The following PRKD1 variants were observed in gnomAD, a reference collection of about 807,000 sequenced individuals.
The protein encoded by PRKD1 is serine/threonine-protein kinase D1.
In PRKD1, 63 loss-of-function variants were observed where a neutral mutation model predicts 95.9. That is an observed-to-expected ratio of 0.66 (90% CI 0.54 to 0.81). The LOEUF (loss-of-function observed/expected upper bound fraction) is 0.81. Among genes scored for constraint, PRKD1 ranks in the 30% least tolerant of loss-of-function variants. The probability of loss-of-function intolerance (pLI) is 0.00; values close to 1 mark genes in which losing one functional copy is unlikely to be tolerated. For synonymous variants in PRKD1, 425 were observed against 423.1 expected (o/e 1.00, Z -0.05); for missense variants, 1,048 against 1,165.3 (o/e 0.90, Z 1.47).
chr14:29,885,558 A>T (rs945470150), intron 1 of PRKD1, among the ~76,000 whole-genome samples: 18 of 151,454 alleles, frequency 1.2e-4, no homozygotes, highest in African/African-American at 2.2e-4. Flanking sequence ...CAGCTTATTT[A>T]AAAAAAAACT....
chr14:29,587,325 C>T (rs1407318706), intron 16 of PRKD1, among the ~76,000 whole-genome samples: 7 of 152,168 alleles, frequency 4.6e-5, no homozygotes, highest in African/African-American at 1.7e-4. Context: ...AGATTTTTAA[C>T]ATCCTGTATT....
intron 1 of PRKD1, among the ~76,000 whole-genome samples, chr14:29,803,832 T>G (rs1288946490): frequency 6.6e-6 from 1 of 152,228 alleles, no homozygotes; most frequent in Non-Finnish European, 1.5e-5. Context: ...GCAACTGGGT[T>G]CATTTAAAGC....
intron 13 of PRKD1, among the ~76,000 whole-genome samples, chr14:29,616,705 C>T (rs1878892671): frequency 6.6e-6 from 1 of 152,148 alleles, no homozygotes; most frequent in African/African-American, 2.4e-5. Context: ...GTTGGCAGGG[C>T]TGTGTGGCTT....
chr14:29,818,096 T>C (rs1377285925), intron 1 of PRKD1, among the ~76,000 whole-genome samples: 2 of 152,226 alleles, frequency 1.3e-5, no homozygotes, highest in Admixed American at 6.5e-5. Context: ...CTGTGTTTGG[T>C]GGCTGTACTG....
At chr14:29,795,689 T>C (rs1439667122) in intron 1 of PRKD1, among the ~76,000 whole-genome samples, 1 of 152,110 alleles carries the variant, frequency 6.6e-6, no homozygotes, top group African/African-American at 2.4e-5. Flanking sequence ...CAATGTGCAA[T>C]ATTCCCCAAT....
intron 1 of PRKD1, among the ~76,000 whole-genome samples, chr14:29,762,633 C>T (rs887264704): frequency 6.6e-6 from 1 of 152,340 alleles, no homozygotes; most frequent in South Asian, 2.1e-4. Context: ...ATTTACGTGA[C>T]AATATTTGAA....
intron 14 of PRKD1, 143 bp from the exon 15 acceptor site, chr14:29,599,268 T>C (rs1594350567): frequency 1.4e-5 from 10 of 701,048 alleles, no homozygotes; most frequent in East Asian, 1.1e-4. Flanking sequence ...TAGATTAACA[T>C]AGGTTTCTAA....
intron 1 of PRKD1, among the ~76,000 whole-genome samples, chr14:29,853,948 A>T (rs1892404579): frequency 6.6e-6 from 1 of 152,162 alleles, no homozygotes; most frequent in Admixed American, 6.5e-5. Flanking sequence ...GCTTTCCACA[A>T]TGATTGTGAT....
rs189272274 is a variant in PRKD1, at chr14:29,771,165, G to C, written c.265-45491C>G. Among the ~76,000 whole-genome samples, 5 of 152,224 alleles carry C rather than the reference G, an allele frequency of 3.3e-5. No individual in the cohort carries two copies. In the East Asian group the frequency reaches 9.7e-4, roughly 30 times the overall value. On this transcript the variant is annotated intron_variant, in intron 1 of 17. Coordinates refer to ENST00000331968, the MANE Select transcript of PRKD1 (RefSeq NM_002742.3). ...AGAATGAAAAAGCGAGTTCAGGAGA[G>C]AATACCAAGGGTGTGGCTAAGCAAC...
At chr14:29,619,808 T>C (rs1256802175) in intron 13 of PRKD1, among the ~76,000 whole-genome samples, 1 of 152,196 alleles carries the variant, frequency 6.6e-6, no homozygotes, top group Non-Finnish European at 1.5e-5. Context: ...GAGAGACTAA[T>C]GTATCTGACA....
chr14:29,788,393 G>A (rs775934676), intron 1 of PRKD1, among the ~76,000 whole-genome samples: 3 of 152,096 alleles, frequency 2.0e-5, no homozygotes, highest in Non-Finnish European at 4.4e-5. Flanking sequence ...ATGTGCCTTG[G>A]AGAAGACCTT....
At chr14:29,775,734 A>T (rs908764380) in intron 1 of PRKD1, among the ~76,000 whole-genome samples, 4 of 152,154 alleles carry the variant, frequency 2.6e-5, no homozygotes, top group Non-Finnish European at 5.9e-5. Context: ...GCATAGCTGA[A>T]TAAAAGGCAG....
intron 4 of PRKD1, chr14:29,657,376 T>C (rs1273409631): frequency 6.6e-6 from 1 of 152,228 alleles, no homozygotes; most frequent in Non-Finnish European, 1.5e-5. Flanking sequence ...TTAACAAAAA[T>C]GCATGACTGA....
chr14:29,890,482 A>G (rs1307893432), intron 1 of PRKD1, among the ~76,000 whole-genome samples: 1 of 152,204 alleles, frequency 6.6e-6, no homozygotes, highest in African/African-American at 2.4e-5. Context: ...ATGTTATCCA[A>G]AAATAAATAA....
At chr14:29,807,870 T>G (rs2139234746) in intron 1 of PRKD1, among the ~76,000 whole-genome samples, 1 of 152,010 alleles carries the variant, frequency 6.6e-6, no homozygotes, top group East Asian at 1.9e-4. Flanking sequence ...TACAGGTGTG[T>G]GCCACCAAGA....
chr14:29,898,197 T>C (rs2139425263), intron 1 of PRKD1, among the ~76,000 whole-genome samples: 1 of 152,282 alleles, frequency 6.6e-6, no homozygotes, highest in Middle Eastern at 3.4e-3. Context: ...TTTATGTGTA[T>C]TTTTGCACAT....
At chr14:29,696,188 T>C (rs1244802296) in intron 2 of PRKD1, among the ~76,000 whole-genome samples, 3 of 152,168 alleles carry the variant, frequency 2.0e-5, no homozygotes, top group African/African-American at 7.2e-5. Flanking sequence ...ACATTACACA[T>C]ATGAATTGCT....
chr14:29,851,617 T>C (rs765397317), intron 1 of PRKD1, among the ~76,000 whole-genome samples: 1 of 152,074 alleles, frequency 6.6e-6, no homozygotes, highest in Non-Finnish European at 1.5e-5. Flanking sequence ...AAATGGAATG[T>C]TTACACACTG....
chr14:29,635,950 A>G (rs914461934), intron 7 of PRKD1, among the ~76,000 whole-genome samples: 1 of 152,122 alleles, frequency 6.6e-6, no homozygotes, highest in South Asian at 2.1e-4. Context: ...GCTGAGTTTG[A>G]TCTTGATTTT....
Sources: allele counts gnomAD v4.1 joint callset (sites outside exome capture counted in the v4.1 genomes callset), GRCh38; gene constraint gnomAD v4.1.1; transcripts MANE v1.5; gene names NCBI Gene and HGNC (gene_info 2026-07-23, HGNC 2026-07-21).